The following ERBB4 variants were observed in gnomAD, a reference collection of about 807,000 sequenced individuals.
The protein encoded by ERBB4 is erb-b2 receptor tyrosine kinase 4.
A neutral mutation model predicts 158.0 loss-of-function variants in ERBB4; 42 were observed. That is an observed-to-expected ratio of 0.27 (90% confidence interval 0.21 to 0.34). The LOEUF is 0.34. ERBB4 is among the 10% of genes least tolerant of loss of function. The probability of loss-of-function intolerance (pLI) is 1.00; values close to 1 mark genes in which losing one functional copy is unlikely to be tolerated. For missense variants in ERBB4, 1,333 were observed against 1,624.1 expected (o/e 0.82, Z 3.08); for synonymous variants, 583 against 558.7 (o/e 1.04, Z -0.61).
chr2:211,691,161 C>G (rs993147084), intron 12 of ERBB4, among the ~76,000 whole-genome samples: 13 of 152,092 alleles, frequency 8.5e-5, no homozygotes, highest in Non-Finnish European at 5.9e-5. Flanking sequence ...TAGTGGTCAT[C>G]ATAGTTAAGG....
chr2:212,133,718 AT>A (rs1460241982), intron 1 of ERBB4, among the ~76,000 whole-genome samples: 1 of 151,850 alleles, frequency 6.6e-6, no homozygotes, highest in Non-Finnish European at 1.5e-5. Context: ...AAATCCCAAC[AT>A]TTTTGGAGAC....
intron 1 of ERBB4, among the ~76,000 whole-genome samples, chr2:212,403,904 T>C (rs2091275758): frequency 6.6e-6 from 1 of 152,086 alleles, no homozygotes; most frequent in Non-Finnish European, 1.5e-5. Context: ...TTGAGTTCTC[T>C]CTCACATCTT....
At chr2:211,949,368 A>G (rs922199258) in intron 2 of ERBB4, among the ~76,000 whole-genome samples, 7 of 152,212 alleles carry the variant, frequency 4.6e-5, no homozygotes, top group African/African-American at 1.7e-4. Context: ...TATGCCATTC[A>G]GTGCAATAAC....
At chr2:211,518,494 A>G (rs2125633155) in intron 20 of ERBB4, among the ~76,000 whole-genome samples, 1 of 152,128 alleles carries the variant, frequency 6.6e-6, no homozygotes, top group Admixed American at 6.5e-5. Flanking sequence ...TCTCTACTAA[A>G]AATACCAAAA....
intron 20 of ERBB4, among the ~76,000 whole-genome samples, chr2:211,461,924 C>T (rs919397234): frequency 1.3e-5 from 2 of 151,638 alleles, no homozygotes; most frequent in African/African-American, 2.4e-5. Flanking sequence ...CAAAAAAAAA[C>T]TCTGACTGGA....
intron 2 of ERBB4, among the ~76,000 whole-genome samples, chr2:212,055,927 A>G (rs576509695): frequency 3.0e-4 from 46 of 152,358 alleles, no homozygotes; most frequent in Admixed American, 1.4e-3. Context: ...AGCTGGATGG[A>G]GAATGACTTT....
chr2:212,393,290 C>G (rs536828618), intron 1 of ERBB4, among the ~76,000 whole-genome samples: 4 of 151,986 alleles, frequency 2.6e-5, no homozygotes, highest in South Asian at 2.1e-4. Context: ...ATAAATTACC[C>G]TTATGAGCTA....
chr2:212,249,720 G>C (rs923077898), intron 1 of ERBB4, among the ~76,000 whole-genome samples: 1 of 151,928 alleles, frequency 6.6e-6, no homozygotes, highest in African/African-American at 2.4e-5. Flanking sequence ...TAAAATTCTA[G>C]GATTTCTCAT....
chr2:212,335,509 T>C (rs966630802), intron 1 of ERBB4, among the ~76,000 whole-genome samples: 2 of 151,992 alleles, frequency 1.3e-5, no homozygotes, highest in Admixed American at 1.3e-4. Flanking sequence ...ATAAAAATTA[T>C]GTATGAAAAA....
chr2:211,759,330 A>G (rs544786040), intron 4 of ERBB4, among the ~76,000 whole-genome samples: 1 of 152,086 alleles, frequency 6.6e-6, no homozygotes, highest in Admixed American at 6.6e-5. Flanking sequence ...CCCCTTTACA[A>G]TCTCTTCTCA....
intron 1 of ERBB4, among the ~76,000 whole-genome samples, chr2:212,152,737 T>C (rs1357142): frequency 0.73 from 111,653 of 152,052 alleles, 42,634 homozygotes; most frequent in African/African-American, 0.92. Context: ...CCTTCAAGTC[T>C]AACAGGTTCA....
chr2:212,340,356 T>G lies in ERBB4; in HGVS notation c.82+198093A>C, dbSNP rs903069523. On this transcript the variant is annotated intron_variant, in intron 1 of 27. Coordinates refer to ENST00000342788, the MANE Select transcript of ERBB4 (RefSeq NM_005235.3). Reference sequence around the variant, plus strand: ...TAGGGAAGATGGTTTCAGGATGAGTTAAGCGCATTACAGACACTGTGTACT... The same window carrying G: ...TAGGGAAGATGGTTTCAGGATGAGTGAAGCGCATTACAGACACTGTGTACT... Among the ~76,000 whole-genome samples the G allele has an allele frequency of 3.9e-5, 6 of 152,276 alleles. No homozygotes were observed. In the South Asian group the frequency reaches 1.0e-3, roughly 26 times the overall value.
Position 211,939,984 on chromosome 2 carries a change from T to TATAGATAGATAGATAG in ERBB4, c.421+7430_421+7445dup, listed in dbSNP as rs530567931. ...AAAAAAAAATATATATATATATGTA[T>TATAGATAGATAGATAG]ATAGATAGATAGATAGATAGATAGA... On this transcript the variant is annotated intron_variant, in intron 3 of 27. Coordinates refer to ENST00000342788, the MANE Select transcript of ERBB4 (RefSeq NM_005235.3). Among the ~76,000 whole-genome samples, 204 of 141,584 alleles carry TATAGATAGATAGATAG rather than the reference T, an allele frequency of 1.4e-3. 1 individual carries two copies. The highest frequency in any genetic ancestry group is 7.9e-3 in the Middle Eastern group (2 of 252). The allele number at this position is 141,584 out of a possible 152,430, so 92.9% of individuals were successfully genotyped here. A position where few individuals can be genotyped will look rare whatever the true frequency, so the allele number is the denominator to read the frequency against.
intron 20 of ERBB4, among the ~76,000 whole-genome samples, chr2:211,461,996 G>A (rs1485324002): frequency 6.6e-6 from 1 of 152,026 alleles, no homozygotes; most frequent in Non-Finnish European, 1.5e-5. Flanking sequence ...AAATGCTCCG[G>A]TAATGGCAAT....
intron 2 of ERBB4, among the ~76,000 whole-genome samples, chr2:212,049,938 A>G (rs1267075046): frequency 6.6e-6 from 1 of 152,208 alleles, no homozygotes; most frequent in East Asian, 1.9e-4. Context: ...AATAGAAAAT[A>G]CGTGTCATGA....
intron 1 of ERBB4, among the ~76,000 whole-genome samples, chr2:212,287,139 C>G (rs1459955530): frequency 6.6e-6 from 1 of 152,040 alleles, no homozygotes; most frequent in Non-Finnish European, 1.5e-5. Context: ...CCCTCCAGCC[C>G]CTGCCTCTTT....
chr2:211,778,703 T>C (rs1189211904), intron 4 of ERBB4: 2 of 152,206 alleles, frequency 1.3e-5, no homozygotes, highest in Non-Finnish European at 2.9e-5. Flanking sequence ...AACCTGACCA[T>C]CTTCTCGCTC....
intron 3 of ERBB4, among the ~76,000 whole-genome samples, chr2:211,853,259 A>C (rs1335289296): frequency 6.6e-6 from 1 of 151,868 alleles, no homozygotes; most frequent in Non-Finnish European, 1.5e-5. Context: ...TTCTTCACTT[A>C]CCTATAGTAC....
intron 15 of ERBB4, among the ~76,000 whole-genome samples, chr2:211,660,784 C>A (rs953111263): frequency 3.9e-5 from 6 of 152,146 alleles, no homozygotes; most frequent in Non-Finnish European, 8.8e-5. Flanking sequence ...CCAAGGAACC[C>A]CAACAGTATA....
Sources: gnomAD v4.1 joint callset for allele counts (sites outside exome capture counted in the v4.1 genomes callset) on GRCh38, gnomAD v4.1.1 for gene constraint, MANE v1.5 for transcripts, NCBI Gene and HGNC (gene_info 2026-07-23, HGNC 2026-07-21) for gene names.